Variants in NOP58 observed in about 807,000 individuals in gnomAD.
NOP58 encodes nucleolar protein 58.
A neutral mutation model predicts 71.2 loss-of-function variants in NOP58; 44 were observed. The observed-to-expected ratio is 0.62, with a 90% CI of 0.49 to 0.79. The LOEUF is 0.79. NOP58 is among the 30% of genes least tolerant of loss of function. The pLI is 0.00. For missense variants in NOP58, 538 were observed against 620.2 expected, an observed-to-expected ratio of 0.87 and a Z score of 1.41; for synonymous variants, 228 against 200.3, an observed-to-expected ratio of 1.14 and a Z score of -1.17.
intron 1 of NOP58, among the ~76,000 whole-genome samples, chr2:202,272,309 C>T (rs1330195337): frequency 3.9e-5 from 6 of 151,964 alleles, no homozygotes; most frequent in Non-Finnish European, 8.8e-5. Flanking sequence ...CCTTCCACCT[C>T]GCCCAGCTAA....
chr2:202,302,438 G>A (rs1689110772), intron 13 of NOP58, among the ~76,000 whole-genome samples: 1 of 152,114 alleles, frequency 6.6e-6, no homozygotes, highest in Non-Finnish European at 1.5e-5. Context: ...TTATTGTAAT[G>A]TGTGCTAAGC....
At chr2:202,266,986 C>T (rs1022328953) in intron 1 of NOP58, among the ~76,000 whole-genome samples, 13 of 151,868 alleles carry the variant, frequency 8.6e-5, no homozygotes, top group African/African-American at 2.7e-4. Context: ...TAGGGGAAAA[C>T]ATCTGGGCTG....
intron 1 of NOP58, among the ~76,000 whole-genome samples, chr2:202,267,391 A>G (rs1688435366): frequency 6.6e-6 from 1 of 152,160 alleles, no homozygotes; most frequent in South Asian, 2.1e-4. Context: ...GTCAAATGTT[A>G]TTTTTAAGAA....
In NOP58 at chr2:202,277,757, T is replaced by C. The variant is rs1688629624; in HGVS notation, c.123-193T>C. 3.9e-5 allele frequency among the ~76,000 whole-genome samples: 6 copies of C among 152,182 alleles called. No homozygotes were observed. The South Asian group carries it at 1.2e-3, about 32-fold the overall frequency. ...AACTTTCTTTTAATAATCCAAGCAT[T>C]ACTAGCCTAACATTTAGAAAAACTA... On this transcript the variant is annotated intron_variant, in intron 2 of 14. Coordinates refer to ENST00000264279, the MANE Select transcript of NOP58 (RefSeq NM_015934.5).
chr2:202,279,216 T>G (rs562344281), intron 3 of NOP58, among the ~76,000 whole-genome samples: 2 of 152,190 alleles, frequency 1.3e-5, no homozygotes, highest in African/African-American at 4.8e-5. Context: ...GAATTCCTTT[T>G]TGCATACGAT....
Position 202,297,383 on chromosome 2 carries a change from C to T in NOP58, c.1076C>T (p.Ser359Phe). ...TTCTTCATGTTTTTCTATTAGATTT[C>T]TCGAATGCTGGCAGCCAAAACCGTT... Reference protein sequence around the residue: ...QTSPKHKGKISRMLAAKTVLA... With the variant: ...QTSPKHKGKIFRMLAAKTVLA... The change falls in exon 11 of 15, where the codon TCT (serine) becomes TTT (phenylalanine). Residue 359 changes from serine (S) to phenylalanine (F), a missense_variant. Transcript: ENST00000264279. The T allele has an allele frequency of 6.2e-7, 1 of 1,611,826 alleles. No homozygotes were observed. The highest frequency in any genetic ancestry group is 8.5e-7 in the Non-Finnish European group (1 of 1,179,064).
At chr2:202,270,988 G>A (rs1013784379) in intron 1 of NOP58, among the ~76,000 whole-genome samples, 1 of 152,010 alleles carries the variant, frequency 6.6e-6, no homozygotes, top group Non-Finnish European at 1.5e-5. Flanking sequence ...CCCAGCTGAG[G>A]CAGGAGGATC....
intron 12 of NOP58, among the ~76,000 whole-genome samples, chr2:202,299,489 A>T (rs1689053896): frequency 6.6e-6 from 1 of 152,282 alleles, no homozygotes; most frequent in African/African-American, 2.4e-5. Flanking sequence ...TCTCTAGTTG[A>T]CAAACATGGT....
intron 5 of NOP58, 70 bp downstream of exon 5, chr2:202,284,551 G>C: frequency 6.7e-7 from 1 of 1,494,768 alleles, no homozygotes; most frequent in Non-Finnish European, 9.2e-7. Flanking sequence ...TCTGTTCTAA[G>C]AATGTTACAA....
rs1331877582 is a variant in NOP58, at chr2:202,284,333, A to G, written c.298-12A>G. The G allele has an allele frequency of 2.5e-6, 4 of 1,579,590 alleles. No individual in the cohort carries two copies. The Admixed American group carries it at 7.4e-5, about 29-fold the overall frequency. On this transcript the variant is annotated splice_polypyrimidine_tract_variant and intron_variant, in intron 4 of 14. Coordinates refer to ENST00000264279, the MANE Select transcript of NOP58 (RefSeq NM_015934.5). ...TTTTTTTAATTTAATATAGATGTTC[A>G]TGTTCTTGTAGGAAAAGCTGAATCT...
chr2:202,285,749 C>G (rs953032686), intron 5 of NOP58, among the ~76,000 whole-genome samples: 4 of 152,118 alleles, frequency 2.6e-5, no homozygotes, highest in Admixed American at 1.3e-4. Context: ...AAGCTTAATA[C>G]TTTGGAATTG....
chr2:202,282,471 A>G lies in NOP58; in HGVS notation c.296A>G (p.Lys99Arg), dbSNP rs762259529. 3 of 1,606,024 alleles carry G rather than the reference A, an allele frequency of 1.9e-6. No homozygotes were observed. The highest frequency in any genetic ancestry group is 1.7e-6 in the Non-Finnish European group (2 of 1,178,252). Residue 99 changes from lysine (K) to arginine (R), a missense_variant and splice_region_variant, in exon 4 of 15, where the codon AAG (lysine) becomes AGG (arginine). Coordinates refer to ENST00000264279, the MANE Select transcript of NOP58 (RefSeq NM_015934.5). ...VADAKLGGVI[K>R]EKLNLSCIHS... ...GATGCTAAACTAGGAGGGGTCATAAAGGTAAAGTCACGATATTTTTGGTCA... is the reference window on the plus strand; with the variant it reads ...GATGCTAAACTAGGAGGGGTCATAAGGGTAAAGTCACGATATTTTTGGTCA...
chr2:202,288,810 C>T (rs1031951174), intron 6 of NOP58, among the ~76,000 whole-genome samples: 7 of 150,320 alleles, frequency 4.7e-5, no homozygotes, highest in East Asian at 2.0e-4. Flanking sequence ...AGCAACACTC[C>T]GTCTCAAAAA....
chr2:202,271,545 C>T (rs902670808), intron 1 of NOP58, among the ~76,000 whole-genome samples: 1 of 151,538 alleles, frequency 6.6e-6, no homozygotes, highest in African/African-American at 2.4e-5. Flanking sequence ...CCAGCCTGGC[C>T]GACAGAGCGC....
At chr2:202,267,133 C>T (rs948371160) in intron 1 of NOP58, among the ~76,000 whole-genome samples, 3 of 152,038 alleles carry the variant, frequency 2.0e-5, no homozygotes, top group Non-Finnish European at 4.4e-5. Flanking sequence ...AGATTGAGTG[C>T]CTTTTCTTGT....
intron 4 of NOP58, 48 bp downstream of exon 4, chr2:202,282,520 C>T: frequency 6.4e-7 from 1 of 1,558,410 alleles, no homozygotes; most frequent in South Asian, 1.2e-5. Flanking sequence ...GATCTCACAG[C>T]ATACCAACTA....
At chr2:202,294,460 C>G (rs1688956697) in intron 9 of NOP58, among the ~76,000 whole-genome samples, 1 of 151,608 alleles carries the variant, frequency 6.6e-6, no homozygotes, top group Non-Finnish European at 1.5e-5. Context: ...GCATATCCAA[C>G]TAAGCAGCAT....
At chr2:202,289,487 T>A (rs1026669081) in intron 6 of NOP58, among the ~76,000 whole-genome samples, 1 of 152,258 alleles carries the variant, frequency 6.6e-6, no homozygotes, top group Non-Finnish European at 1.5e-5. Flanking sequence ...AAGGTATATG[T>A]GAAATGTAGA....
At chr2:202,285,838 T>C (rs534830784) in intron 5 of NOP58, among the ~76,000 whole-genome samples, 73 of 152,220 alleles carry the variant, frequency 4.8e-4, no homozygotes, top group Non-Finnish European at 8.4e-4. Flanking sequence ...ATCAGTACTG[T>C]CAAATAGTAA....
Sources: allele counts gnomAD v4.1 joint callset (sites outside exome capture counted in the v4.1 genomes callset), GRCh38; gene constraint gnomAD v4.1.1; transcripts MANE v1.5; gene names NCBI Gene and HGNC (gene_info 2026-07-23, HGNC 2026-07-21).